Variants in TUSC3 observed in about 807,000 individuals in gnomAD.
TUSC3 encodes tumor suppressor candidate 3.
TUSC3 carries 45 observed loss-of-function variants against 44.8 expected under a neutral mutation model. The ratio of observed to expected loss-of-function variants is 1.00; its 90% CI spans 0.79 to 1.29. TUSC3 has a LOEUF of 1.29. Ranked by LOEUF, TUSC3 falls within the 50% of genes most tolerant of loss-of-function variation. The pLI is 0.00. For synonymous variants in TUSC3, 212 were observed against 152.9 expected, an observed-to-expected ratio of 1.39 and a Z score of -2.85; for missense variants, 519 against 437.9, an observed-to-expected ratio of 1.19 and a Z score of -1.65.
chr8:15,774,165 A>C, the TUSC3 span, among the ~76,000 whole-genome samples: 1 of 152,304 alleles, frequency 6.6e-6, no homozygotes, highest in African/African-American at 2.4e-5. Flanking sequence ...AAAATATATA[A>C]CGAATTCTTA....
At position 15,698,178 on chromosome 8, in the gene TUSC3, A is replaced by C. The variant is rs1254143341; in HGVS notation, c.798+24342A>C. ...GCCCTGTTCCTAAAATGAATTTTAT[A>C]ATAGATGTCTAGCAAAGCTGCTGTG... is the stretch of plus-strand genomic sequence containing the variant. On this transcript the variant is annotated intron_variant, in intron 6 of 10. Coordinates refer to ENST00000503731, the MANE Select transcript of TUSC3 (RefSeq NM_006765.4). Among the ~76,000 whole-genome samples, 3 of 152,182 alleles carry C rather than the reference A, an allele frequency of 2.0e-5. No homozygotes were observed. The East Asian group carries it at 5.8e-4, about 29-fold the overall frequency.
At chr8:15,786,411 GA>G in the TUSC3 span, among the ~76,000 whole-genome samples, 2 of 152,118 alleles carry the variant, frequency 1.3e-5, no homozygotes, top group African/African-American at 4.8e-5. Flanking sequence ...TAAAATGAAA[GA>G]TAAAATAATG....
At chr8:15,626,250 G>A (rs527606644) in intron 2 of TUSC3, among the ~76,000 whole-genome samples, 1 of 152,310 alleles carries the variant, frequency 6.6e-6, no homozygotes, top group South Asian at 2.1e-4. Context: ...CTTCTACGGG[G>A]AATAGGGAGA....
the TUSC3 span, among the ~76,000 whole-genome samples, chr8:15,838,213 G>C: frequency 6.6e-6 from 1 of 152,124 alleles, no homozygotes; most frequent in Admixed American, 6.6e-5. Context: ...TTTTGGTTTA[G>C]CACCTCCGGA....
At chr8:15,478,226 A>G (rs926879277) in intron 1 of TUSC3, among the ~76,000 whole-genome samples, 1 of 152,172 alleles carries the variant, frequency 6.6e-6, no homozygotes, top group African/African-American at 2.4e-5. Context: ...TCAGCCTCCC[A>G]AAGTGCTGGG....
In TUSC3 at chr8:15,493,858, T is replaced by C. The variant is rs534202468; in HGVS notation, n.189+10375T>C. ...TTGGAAACTGAAATATCAAAATGTC[T>C]AAATATCACCCTTCTTCATAGCTGA... On this transcript the variant is annotated intron_variant and non_coding_transcript_variant, in intron 2 of 5. Transcript: ENST00000503191. Among the ~76,000 whole-genome samples the C allele has an allele frequency of 1.4e-4, 21 of 152,318 alleles. 1 individual carries two copies. Among genetic ancestry groups the C allele is most frequent in the Non-Finnish European group, 1.8e-4 (12 of 68,020 alleles).
the TUSC3 span, among the ~76,000 whole-genome samples, chr8:15,826,752 T>A: frequency 6.7e-6 from 1 of 148,358 alleles, no homozygotes. Flanking sequence ...GGAGGCTTTA[T>A]GGTGAGGGAA....
intron 7 of TUSC3, among the ~76,000 whole-genome samples, chr8:15,742,232 G>C (rs4425751): frequency 0.01 from 1,560 of 151,834 alleles, 11 homozygotes; most frequent in Middle Eastern, 0.027. Flanking sequence ...TGTATGGTGG[G>C]AGGGGCTTTT....
At chr8:15,556,847 G>T in intron 1 of TUSC3, among the ~76,000 whole-genome samples, 1 of 127,374 alleles carries the variant, frequency 7.9e-6, no homozygotes, top group African/African-American at 2.8e-5. Flanking sequence ...TTTTTGATGG[G>T]GTTGTTTGTT....
At chr8:15,522,003 A>G (rs1238359083) in intron 2 of TUSC3, among the ~76,000 whole-genome samples, 1 of 152,222 alleles carries the variant, frequency 6.6e-6, no homozygotes, top group African/African-American at 2.4e-5. Context: ...CTGGGGTTAG[A>G]AATGAGAAGC....
chr8:15,606,563 T>C (rs1048508668), intron 1 of TUSC3, among the ~76,000 whole-genome samples: 4 of 152,052 alleles, frequency 2.6e-5, no homozygotes, highest in African/African-American at 9.7e-5. Flanking sequence ...TTGTGGATAT[T>C]CTTGTAGGTA....
chr8:15,781,715 A>T, the TUSC3 span, among the ~76,000 whole-genome samples: 1 of 152,250 alleles, frequency 6.6e-6, no homozygotes, highest in South Asian at 2.1e-4. Flanking sequence ...ATTCCATGAA[A>T]CGTTCAAAGA....
chr8:15,641,095 T>C (rs998023899), intron 2 of TUSC3, among the ~76,000 whole-genome samples: 1 of 151,652 alleles, frequency 6.6e-6, no homozygotes, highest in African/African-American at 2.4e-5. Context: ...GCGCGGTGGC[T>C]CACACCTGTA....
intron 8 of TUSC3, among the ~76,000 whole-genome samples, chr8:15,743,841 T>C (rs1811295825): frequency 6.6e-6 from 1 of 152,192 alleles, no homozygotes; most frequent in Admixed American, 6.5e-5. Context: ...AAAGTGGAGC[T>C]GTCCTTCACC....
At chr8:15,676,210 T>C (rs1436798934) in intron 6 of TUSC3, among the ~76,000 whole-genome samples, 1 of 152,206 alleles carries the variant, frequency 6.6e-6, no homozygotes, top group Non-Finnish European at 1.5e-5. Flanking sequence ...ATTAAATTAT[T>C]AGAAATTAAA....
intron 1 of TUSC3, among the ~76,000 whole-genome samples, chr8:15,611,417 G>C (rs1804754662): frequency 6.6e-6 from 1 of 152,156 alleles, no homozygotes; most frequent in African/African-American, 2.4e-5. Context: ...TCAAACTCCT[G>C]ACCTCGTGAT....
At chr8:15,623,377 TAAAA>T in intron 2 of TUSC3, 128 bp downstream of exon 2, 1 of 975,412 alleles carries the variant, frequency 1.0e-6, no homozygotes, top group Non-Finnish European at 1.4e-6. Flanking sequence ...ACTGTGCATT[TAAAA>T]ATAAGCTGAA....
intron 1 of TUSC3, among the ~76,000 whole-genome samples, chr8:15,566,833 A>G (rs111755647): frequency 1.4e-4 from 22 of 152,140 alleles, no homozygotes; most frequent in African/African-American, 5.1e-4. Context: ...GGATTTTACC[A>G]TGTTTCCCAG....
At chr8:15,726,541 CACG>C (rs1810504474) in intron 6 of TUSC3, among the ~76,000 whole-genome samples, 1 of 152,078 alleles carries the variant, frequency 6.6e-6, no homozygotes, top group African/African-American at 2.4e-5. Flanking sequence ...TGCGGTGGCT[CACG>C]CCTGTAATCC....
Sources: allele counts gnomAD v4.1 joint callset (sites outside exome capture counted in the v4.1 genomes callset), GRCh38; gene constraint gnomAD v4.1.1; transcripts MANE v1.5; gene names NCBI Gene and HGNC (gene_info 2026-07-23, HGNC 2026-07-21).